Variants in SLC4A4 observed in about 807,000 individuals in gnomAD.
SLC4A4 encodes electrogenic sodium bicarbonate cotransporter 1.
Under a neutral mutation model 111.5 loss-of-function variants are expected in SLC4A4, and 27 were observed. The ratio of observed to expected loss-of-function variants is 0.24; its 90% CI spans 0.18 to 0.33. SLC4A4 has a LOEUF of 0.33. SLC4A4 is among the 10% of genes least tolerant of loss of function. The probability of loss-of-function intolerance (pLI) is 1.00; values close to 1 mark genes in which losing one functional copy is unlikely to be tolerated. For missense variants in SLC4A4, 909 were observed against 1,315.5 expected, an observed-to-expected ratio of 0.69 and a Z score of 4.78; for synonymous variants, 443 against 463.4, an observed-to-expected ratio of 0.96 and a Z score of 0.57.
rs764587851 is a variant in SLC4A4, at chr4:71,472,752, C to G, written c.1685C>G (p.Ala562Gly). The G allele has an allele frequency of 1.2e-5, 20 of 1,612,722 alleles. No individual in the cohort carries two copies. The highest frequency in any genetic ancestry group is 2.5e-6 in the Non-Finnish European group (3 of 1,179,294). The change falls in exon 14 of 26, where the codon GCC (alanine) becomes GGC (glycine). Residue 562 changes from alanine to glycine, a missense_variant. By Grantham distance (60) the Ala-to-Gly change is moderately conservative. Around this residue, in one of 7 missense-constraint regions of SLC4A4, gnomAD observed 264 missense variants for 356.8 expected, o/e 0.74. Coordinates refer to ENST00000264485, the MANE Select transcript of SLC4A4 (RefSeq NM_001098484.3). ...CGCCTTTGGATTGGCCTGTGGTCCG[C>G]CTTCCTATGTCTCATTTTGGTAGCC... is the stretch of plus-strand genomic sequence containing the variant. The part of the protein sequence containing the change: ...EFRLWIGLWS[A>G]FLCLILVATD...
Position 71,466,458 on chromosome 4 carries a change from T to C in SLC4A4, c.1512T>C (p.Ser504=). The change falls in exon 13 of 26, where the codon AGT becomes AGC. Residue 504 remains serine, a synonymous_variant. Transcript: ENST00000264485. The part of the protein sequence containing the change: ...ATDNMQGVLE[S]FLGTAVSGAI... ...CTTTATTTTAGGGCGTGTTGGAGAG[T>C]TTCCTGGGCACTGCTGTCTCTGGAG... 1 of 1,613,458 alleles carries C rather than the reference T, an allele frequency of 6.2e-7. No homozygotes were observed. Among genetic ancestry groups the C allele is most frequent in the African/African-American group, 1.3e-5 (1 of 74,930 alleles).
At chr4:71,464,411 C>T (rs536721770) in intron 12 of SLC4A4, among the ~76,000 whole-genome samples, 1 of 152,204 alleles carries the variant, frequency 6.6e-6, no homozygotes, top group East Asian at 1.9e-4. Context: ...GTTCTGCTGC[C>T]CTTCCTTGTT....
chr4:71,502,592 A>C (rs1205678484), intron 16 of SLC4A4, among the ~76,000 whole-genome samples: 1 of 152,200 alleles, frequency 6.6e-6, no homozygotes, highest in Non-Finnish European at 1.5e-5. Flanking sequence ...TTGGTTATTT[A>C]GTAGCATACA....
rs1719836057 is a variant in SLC4A4 at position 71,236,669 on chromosome 4, G to T, written c.73+20G>T. The T allele has an allele frequency of 6.3e-7, 1 of 1,597,722 alleles. No individual in the cohort carries two copies. Among genetic ancestry groups the T allele is most frequent in the Non-Finnish European group, 8.6e-7 (1 of 1,165,458 alleles). ...TAGAAGGTGAGCTTTATGGGTCTGGGAAAGTGTCTGTTGACATACATATGT... is the reference window on the plus strand; with the variant it reads ...TAGAAGGTGAGCTTTATGGGTCTGGTAAAGTGTCTGTTGACATACATATGT... On this transcript the variant is annotated intron_variant, in intron 2 of 25. Coordinates refer to ENST00000264485, the MANE Select transcript of SLC4A4 (RefSeq NM_001098484.3).
At chr4:71,272,168 G>T (rs1004850476) in intron 3 of SLC4A4, among the ~76,000 whole-genome samples, 2 of 152,208 alleles carry the variant, frequency 1.3e-5, no homozygotes, top group Non-Finnish European at 2.9e-5. Flanking sequence ...CAGATTATAG[G>T]TTGGTCTTCT....
At chr4:71,274,850 T>TA (rs1722957916) in intron 3 of SLC4A4, among the ~76,000 whole-genome samples, 1 of 152,310 alleles carries the variant, frequency 6.6e-6, no homozygotes, top group East Asian at 1.9e-4. Context: ...GTTTAGGTCA[T>TA]AAAAAACTAG....
intron 20 of SLC4A4, among the ~76,000 whole-genome samples, chr4:71,550,976 A>C (rs960187076): frequency 2.6e-5 from 4 of 151,800 alleles, no homozygotes; most frequent in South Asian, 2.1e-4. Context: ...GAATCTAACC[A>C]CTGATTCGGT....
chr4:71,372,052 T>G (rs183428896), intron 6 of SLC4A4, among the ~76,000 whole-genome samples: 70 of 152,348 alleles, frequency 4.6e-4, no homozygotes, highest in African/African-American at 1.6e-3. Context: ...AACATGGACT[T>G]AAAAAACTGC....
intron 2 of SLC4A4, among the ~76,000 whole-genome samples, chr4:71,099,677 A>G (rs1019289874): frequency 2.6e-5 from 4 of 152,184 alleles, no homozygotes; most frequent in African/African-American, 9.7e-5. Flanking sequence ...AAAATTAATG[A>G]GATTGATAGG....
chr4:71,479,845 C>T (rs1389155226), intron 14 of SLC4A4, among the ~76,000 whole-genome samples: 2 of 151,622 alleles, frequency 1.3e-5, no homozygotes, highest in East Asian at 2.0e-4. Context: ...TAATGCTTGC[C>T]GGAATCAGAA....
At chr4:71,237,234 GT>G (rs1431255272) in intron 2 of SLC4A4, among the ~76,000 whole-genome samples, 1 of 152,106 alleles carries the variant, frequency 6.6e-6, no homozygotes, top group African/African-American at 2.4e-5. Context: ...GAAGAGTTAT[GT>G]TTTACCTGGT....
chr4:71,149,517 G>T (rs1481565154), intron 2 of SLC4A4, among the ~76,000 whole-genome samples: 2 of 152,142 alleles, frequency 1.3e-5, no homozygotes, highest in Non-Finnish European at 2.9e-5. Context: ...AAACTGGAGA[G>T]GAGAGCTCTA....
intron 4 of SLC4A4, among the ~76,000 whole-genome samples, chr4:71,341,173 G>A (rs1728874499): frequency 6.6e-6 from 1 of 152,118 alleles, no homozygotes; most frequent in African/African-American, 2.4e-5. Context: ...TGAATGAATA[G>A]TTTATGTCAG....
At chr4:71,241,044 A>G (rs571392992) in intron 2 of SLC4A4, among the ~76,000 whole-genome samples, 1 of 152,212 alleles carries the variant, frequency 6.6e-6, no homozygotes, top group East Asian at 1.9e-4. Context: ...GTTTGAGCCC[A>G]GGAGATCAAG....
At chr4:71,296,780 T>C (rs1019496098) in intron 3 of SLC4A4, among the ~76,000 whole-genome samples, 2 of 152,216 alleles carry the variant, frequency 1.3e-5, no homozygotes, top group Admixed American at 6.5e-5. Flanking sequence ...TCTCAGTTTT[T>C]CAAGTTAAAA....
intron 2 of SLC4A4, among the ~76,000 whole-genome samples, chr4:71,139,449 A>G (rs1013146649): frequency 1.3e-5 from 2 of 152,202 alleles, no homozygotes; most frequent in Admixed American, 6.5e-5. Context: ...GTGAGGTTCT[A>G]TCAGGCCAAA....
chr4:71,339,141 C>T, intron 3 of SLC4A4: 2 of 1,611,986 alleles, frequency 1.2e-6, no homozygotes, highest in Non-Finnish European at 1.7e-6. Context: ...TGCTGTCCTT[C>T]TGGAGAGTGG....
intron 3 of SLC4A4, among the ~76,000 whole-genome samples, chr4:71,337,737 A>G (rs753852327): frequency 7.2e-5 from 11 of 152,138 alleles, no homozygotes; most frequent in Non-Finnish European, 1.3e-4. Flanking sequence ...CCTACCAGTA[A>G]CATAAATCAA....
chr4:71,130,267 T>A (rs1743666551), intron 2 of SLC4A4, among the ~76,000 whole-genome samples: 1 of 152,170 alleles, frequency 6.6e-6, no homozygotes, highest in Non-Finnish European at 1.5e-5. Flanking sequence ...TCTTGCGCTA[T>A]TGCTTGGGTG....
Sources: allele counts gnomAD v4.1 joint callset (sites outside exome capture counted in the v4.1 genomes callset), GRCh38; gene constraint gnomAD v4.1.1; regional missense constraint gnomAD v4.1.1; transcripts MANE v1.5; gene names NCBI Gene and HGNC (gene_info 2026-07-23, HGNC 2026-07-21).